BAZ2A: variants seen among roughly 807,000 people sequenced by gnomAD.
BAZ2A encodes bromodomain adjacent to zinc finger domain 2A.
A neutral mutation model predicts 199.9 loss-of-function variants in BAZ2A; 34 were observed. The observed-to-expected ratio is 0.17, with a 90% confidence interval of 0.13 to 0.23. The LOEUF (loss-of-function observed/expected upper bound fraction) is 0.23. BAZ2A is among the 10% of genes least tolerant of loss of function. The pLI, the probability that BAZ2A is intolerant of heterozygous loss-of-function variation, is 1.00. For missense variants in BAZ2A, 2,002 were observed against 2,391.1 expected (o/e 0.84, Z 3.39); for synonymous variants, 857 against 883.9 (o/e 0.97, Z 0.54).
At chr12:56,629,581 G>A (rs1951226118) in intron 1 of BAZ2A, among the ~76,000 whole-genome samples, 1 of 152,112 alleles carries the variant, frequency 6.6e-6, no homozygotes, top group African/African-American at 2.4e-5. Flanking sequence ...AGCAAGGAAG[G>A]CCCTCTCCTG....
At chr12:56,607,223 A>C (rs1379371320) in intron 10 of BAZ2A, among the ~76,000 whole-genome samples, 1 of 152,184 alleles carries the variant, frequency 6.6e-6, no homozygotes, top group African/African-American at 2.4e-5. Flanking sequence ...GACACCTCAA[A>C]AGAATCACTG....
In BAZ2A at chr12:56,605,878, C is replaced by T; in HGVS notation, c.2445G>A (p.Leu815=). 1 of 1,603,238 alleles carries T rather than the reference C, an allele frequency of 6.2e-7. No homozygotes were observed. The change falls in exon 13 of 29, where the codon TTG becomes TTA. Residue 815 remains leucine (L), a synonymous_variant. Coordinates refer to ENST00000549884, the MANE Select transcript of BAZ2A (RefSeq NM_001300905.2). ...LEERQRQQMI[L]EEMKKPTEDM... The stretch of plus-strand genomic sequence containing the variant: ...CCTCTGTCGGCTTCTTCATTTCCTC[C>T]AAGATCATCTGCTGCCTCTGCCGTT...
intron 26 of BAZ2A, 62 bp from the exon 27 acceptor site, chr12:56,599,420 A>G (rs1886188113): frequency 6.6e-7 from 1 of 1,517,016 alleles, no homozygotes; most frequent in South Asian, 1.2e-5. Flanking sequence ...CCCTACTACA[A>G]TCTCTGCCTA....
chr12:56,597,581 C>CACACAG lies in BAZ2A; in HGVS notation c.*1036_*1037insCTGTGT, dbSNP rs1466468684. On this transcript the variant is annotated 3_prime_UTR_variant, in exon 29 of 29. Transcript: ENST00000549884. ...AAGCACGCACACACACACACACACA[C>CACACAG]AGCGCGCGCTCTGAGGCTGACACAC... 1 of 137,408 alleles carries CACACAG rather than the reference C, an allele frequency of 7.3e-6. No homozygotes were observed. The highest frequency in any genetic ancestry group is 2.9e-5 in the African/African-American group (1 of 34,614). The allele number at this position is 137,408 out of a possible 1,614,324, so 8.5% of individuals were successfully genotyped here. A position where few individuals can be genotyped will look rare whatever the true frequency, so the allele number is the denominator to read the frequency against.
intron 11 of BAZ2A, 160 bp downstream of exon 11, chr12:56,606,473 T>C: frequency 3.3e-6 from 4 of 1,198,064 alleles, no homozygotes. Flanking sequence ...CCCACGTTAT[T>C]TTTGAACAAA....
chr12:56,605,184 G>A lies in BAZ2A; in HGVS notation c.2637C>T (p.Val879=). ...DPAKDVPSLG[V]LQEGLLCQGD... ...CTTGACACAGGAGTCCCTCCTGCAG[G>A]ACCCCCAGGCTAGGCACATCTTTGG... The change falls in exon 14 of 29, where the codon GTC becomes GTT. Residue 879 remains valine (V), a synonymous_variant. Coordinates refer to ENST00000549884, the MANE Select transcript of BAZ2A (RefSeq NM_001300905.2). The A allele has an allele frequency of 1.2e-6, 2 of 1,613,712 alleles. No individual in the cohort carries two copies. Among genetic ancestry groups the A allele is most frequent in the Non-Finnish European group, 1.7e-6 (2 of 1,179,832 alleles).
intron 1 of BAZ2A, among the ~76,000 whole-genome samples, chr12:56,619,508 C>CAAAAAA (rs397850754): frequency 4.5e-4 from 38 of 84,506 alleles, no homozygotes; most frequent in Admixed American, 7.3e-4. Context: ...GACCCTGTCT[C>CAAAAAA]AAAAAAAAAA....
At chr12:56,625,733 G>A (rs906236537) in intron 1 of BAZ2A, among the ~76,000 whole-genome samples, 8 of 151,292 alleles carry the variant, frequency 5.3e-5, no homozygotes, top group Non-Finnish European at 7.4e-5. Context: ...AAAATTAGCC[G>A]GGCATGGTGG....
Position 56,611,864 on chromosome 12 carries a change from G to T in BAZ2A, c.1518C>A (p.Ala506=). The T allele has an allele frequency of 6.2e-7, 1 of 1,602,066 alleles. No individual in the cohort carries two copies. The highest frequency in any genetic ancestry group is 8.5e-7 in the Non-Finnish European group (1 of 1,173,014). The part of the protein sequence containing the change: ...VTSPAAAFPT[A]SPANKDVSSF... ...TGCTGACATCCTTATTTGCTGGGGAGGCTGTTGGAAAGGCAGCTGCTGGGG... is the reference window on the plus strand; with the variant it reads ...TGCTGACATCCTTATTTGCTGGGGATGCTGTTGGAAAGGCAGCTGCTGGGG... The change falls in exon 6 of 29, where the codon GCC becomes GCA. Residue 506 remains alanine, a synonymous_variant. Coordinates refer to ENST00000549884, the MANE Select transcript of BAZ2A (RefSeq NM_001300905.2).
chr12:56,619,190 C>A (rs182969149), intron 1 of BAZ2A, among the ~76,000 whole-genome samples: 1 of 151,812 alleles, frequency 6.6e-6, no homozygotes, highest in Non-Finnish European at 1.5e-5. Context: ...CTAAAAAATA[C>A]AAAAATTAGC....
chr12:56,636,480 G>A (rs1592641185), upstream of BAZ2A: 6 of 877,710 alleles, frequency 6.8e-6, no homozygotes, highest in Non-Finnish European at 9.3e-6. Flanking sequence ...GAAGGTTAGA[G>A]AGCTGTGTTG....
chr12:56,616,402 C>A (rs753350284), intron 2 of BAZ2A, among the ~76,000 whole-genome samples: 18 of 152,270 alleles, frequency 1.2e-4, no homozygotes, highest in Admixed American at 4.6e-4. Flanking sequence ...ACATGCAGAT[C>A]CAGCACTTTG....
chr12:56,604,179 T>C (rs1565812613), intron 16 of BAZ2A, 38 bp downstream of exon 16: 2 of 1,562,676 alleles, frequency 1.3e-6, no homozygotes, highest in Non-Finnish European at 1.7e-6. Context: ...GCCCCACTTC[T>C]CTCCTCTCTG....
Position 56,606,069 on chromosome 12 carries a change from C to G in BAZ2A, c.2260-6G>C. ...TTTCCTTTTTCTTTCTCAGCCTACC[C>G]AAGGAAGAGAGGAACCAAGACTGCC... On this transcript the variant is annotated splice_polypyrimidine_tract_variant and splice_region_variant and intron_variant, in intron 12 of 28. Coordinates refer to ENST00000549884, the MANE Select transcript of BAZ2A (RefSeq NM_001300905.2). 6.4e-7 allele frequency: 1 copy of G among 1,551,400 alleles called. No homozygotes were observed. The highest frequency in any genetic ancestry group is 1.2e-5 in the South Asian group (1 of 84,126).
intron 11 of BAZ2A, 116 bp from the exon 12 acceptor site, chr12:56,606,428 G>C: frequency 7.7e-7 from 1 of 1,291,790 alleles, no homozygotes; most frequent in Non-Finnish European, 1.1e-6. Context: ...GGAATGAGGG[G>C]TTGGCAATGG....
intron 1 of BAZ2A, among the ~76,000 whole-genome samples, chr12:56,619,159 C>T (rs775149652): frequency 6.6e-6 from 1 of 151,858 alleles, no homozygotes; most frequent in Non-Finnish European, 1.5e-5. Flanking sequence ...GCCTGGCCAA[C>T]ATGGTGAAAC....
intron 1 of BAZ2A, chr12:56,621,164 G>A (rs2137192560): frequency 2.0e-6 from 2 of 985,320 alleles, no homozygotes. Flanking sequence ...ATGTGCAGTG[G>A]ACTATATCCT....
Position 56,615,093 on chromosome 12 carries a change from T to C in BAZ2A, c.651A>G (p.Ala217=), listed in dbSNP as rs1950674895. The C allele has an allele frequency of 6.2e-7, 1 of 1,613,810 alleles. No homozygotes were observed. The highest frequency in any genetic ancestry group is 1.1e-5 in the South Asian group (1 of 91,042). Residue 217 remains alanine (A), a synonymous_variant, in exon 3 of 29, where the codon GCA becomes GCG. Transcript: ENST00000549884. ...CCACAACTGAAGTCATCTCCTTTTCTGCTGCCTCATCAGGATGGATACCAC... is the reference window on the plus strand; with the variant it reads ...CCACAACTGAAGTCATCTCCTTTTCCGCTGCCTCATCAGGATGGATACCAC... ...VGSGIHPDEA[A]EKEMTSVVAE... is the part of the protein sequence containing the mutation.
At chr12:56,626,162 C>A (rs192874004) in intron 1 of BAZ2A, among the ~76,000 whole-genome samples, 3 of 152,048 alleles carry the variant, frequency 2.0e-5, no homozygotes, top group African/African-American at 7.3e-5. Context: ...GTCCTACTGA[C>A]CCACATGAGA....
Sources: gnomAD v4.1 joint callset for allele counts (sites outside exome capture counted in the v4.1 genomes callset) on GRCh38, gnomAD v4.1.1 for gene constraint, MANE v1.5 for transcripts, NCBI Gene and HGNC (gene_info 2026-07-23, HGNC 2026-07-21) for gene names.